The following THRB variants were observed in gnomAD, a reference collection of about 807,000 sequenced individuals.
THRB encodes thyroid hormone receptor beta, also known as nuclear receptor subfamily 1 group A member 2.
In THRB, 12 loss-of-function variants were observed where a neutral mutation model predicts 47.8. The observed-to-expected ratio is 0.25, with a 90% CI of 0.16 to 0.41. THRB has a LOEUF of 0.41. Ranked by LOEUF, THRB falls within the 10% of genes least tolerant of loss-of-function variation. The pLI is 1.00. For synonymous variants in THRB, 218 were observed against 212.2 expected, an observed-to-expected ratio of 1.03 and a Z score of -0.24; for missense variants, 348 against 589.2, an observed-to-expected ratio of 0.59 and a Z score of 4.24.
intron 1 of THRB, among the ~76,000 whole-genome samples, chr3:24,379,950 A>T (rs1438409433): frequency 6.6e-6 from 1 of 151,378 alleles, no homozygotes; most frequent in African/African-American, 2.4e-5. Flanking sequence ...CTCATGTAGT[A>T]ACTTTACACA....
At chr3:24,187,955 A>G (rs2042812959) in intron 5 of THRB, among the ~76,000 whole-genome samples, 1 of 152,156 alleles carries the variant, frequency 6.6e-6, no homozygotes, top group Non-Finnish European at 1.5e-5. Flanking sequence ...GTCAAGGTGG[A>G]CCCTGGTGGT....
intron 1 of THRB, among the ~76,000 whole-genome samples, chr3:24,490,762 C>T (rs562648138): frequency 1.3e-5 from 2 of 152,176 alleles, no homozygotes; most frequent in East Asian, 1.9e-4. Flanking sequence ...AATTAGCTTA[C>T]AGAGTGTGGT....
chr3:24,256,258 G>A (rs1288986035), intron 3 of THRB, among the ~76,000 whole-genome samples: 3 of 148,390 alleles, frequency 2.0e-5, no homozygotes, highest in Non-Finnish European at 4.5e-5. Flanking sequence ...AGGGTCATCA[G>A]AGGCCTTAAT....
At chr3:24,161,617 A>AACACACACACACACACACACACACACAC (rs58600238) in intron 5 of THRB, among the ~76,000 whole-genome samples, 2 of 141,100 alleles carry the variant, frequency 1.4e-5, no homozygotes, top group South Asian at 2.4e-4. Context: ...AGAGCTACAG[A>AACACACACACACACACACACACACACAC]ACACACACAC....
chr3:24,329,759 T>C (rs1255751597), intron 2 of THRB, among the ~76,000 whole-genome samples: 1 of 152,206 alleles, frequency 6.6e-6, no homozygotes, highest in Non-Finnish European at 1.5e-5. Context: ...AAGTGAGCAA[T>C]CAACAAAACT....
At chr3:24,237,785 G>A (rs1055668778) in intron 3 of THRB, among the ~76,000 whole-genome samples, 3 of 152,100 alleles carry the variant, frequency 2.0e-5, no homozygotes, top group African/African-American at 4.8e-5. Flanking sequence ...AGTAAAATCC[G>A]ATTCCTGTGT....
intron 4 of THRB, among the ~76,000 whole-genome samples, chr3:24,206,687 C>T (rs1204745380): frequency 3.9e-5 from 6 of 152,060 alleles, no homozygotes; most frequent in Non-Finnish European, 5.9e-5. Flanking sequence ...ATACAAAAAC[C>T]CTTCAAAAAA....
chr3:24,410,410 T>G (rs906758128), intron 1 of THRB, among the ~76,000 whole-genome samples: 2 of 151,838 alleles, frequency 1.3e-5, no homozygotes, highest in Admixed American at 1.3e-4. Flanking sequence ...GTACAATCTT[T>G]GGAATAAAAA....
intron 1 of THRB, among the ~76,000 whole-genome samples, chr3:24,471,231 G>A (rs2125764546): frequency 6.6e-6 from 1 of 152,288 alleles, no homozygotes; most frequent in South Asian, 2.1e-4. Context: ...GGGAAATTGT[G>A]TGACATGTAA....
chr3:24,421,002 G>A (rs950123804), intron 1 of THRB, among the ~76,000 whole-genome samples: 1 of 151,926 alleles, frequency 6.6e-6, no homozygotes, highest in African/African-American at 2.4e-5. Flanking sequence ...TATACACCAT[G>A]GAATACTATG....
intron 1 of THRB, among the ~76,000 whole-genome samples, chr3:24,364,173 T>A (rs1261411262): frequency 6.6e-6 from 1 of 152,144 alleles, no homozygotes; most frequent in African/African-American, 2.4e-5. Flanking sequence ...AAGCATATGG[T>A]GGTAAAAAAT....
chr3:24,267,996 G>A (rs574453066), intron 3 of THRB, among the ~76,000 whole-genome samples: 1 of 152,134 alleles, frequency 6.6e-6, no homozygotes, highest in Admixed American at 6.5e-5. Flanking sequence ...TAGTCAATTA[G>A]GCACACAAAG....
intron 10 of THRB, among the ~76,000 whole-genome samples, chr3:24,123,735 T>C (rs969866442): frequency 3.9e-5 from 6 of 152,124 alleles, no homozygotes; most frequent in Admixed American, 6.5e-5. Flanking sequence ...AGTCATGATT[T>C]TGGAATTGAA....
chr3:24,272,957 A>G (rs1055443664), intron 3 of THRB, among the ~76,000 whole-genome samples: 6 of 152,220 alleles, frequency 3.9e-5, no homozygotes, highest in Non-Finnish European at 8.8e-5. Context: ...ACAAATATCA[A>G]TACTAAGTAC....
intron 3 of THRB, among the ~76,000 whole-genome samples, chr3:24,274,883 GT>G (rs11292201): frequency 0.054 from 8,208 of 152,034 alleles, 702 homozygotes; most frequent in African/African-American, 0.18. Context: ...GAGAGAGACA[GT>G]TTTTTTTATG....
At chr3:24,332,741 TG>T (rs1223596534) in intron 2 of THRB, among the ~76,000 whole-genome samples, 1 of 152,114 alleles carries the variant, frequency 6.6e-6, no homozygotes, top group African/African-American at 2.4e-5. Context: ...GGGAAACATT[TG>T]GGGAAAGGAA....
chr3:24,130,496 G>A (rs2033684740), intron 9 of THRB, among the ~76,000 whole-genome samples: 1 of 152,126 alleles, frequency 6.6e-6, no homozygotes, highest in Admixed American at 6.5e-5. Context: ...ATGACTGGCA[G>A]GCTGGCTAGA....
At chr3:24,249,922 G>T (rs1215583390) in intron 3 of THRB, among the ~76,000 whole-genome samples, 1 of 152,204 alleles carries the variant, frequency 6.6e-6, no homozygotes, top group Non-Finnish European at 1.5e-5. Flanking sequence ...GCACCATGAA[G>T]AATTAAACTC....
chr3:24,220,735 C>G (rs2047068631), intron 4 of THRB, among the ~76,000 whole-genome samples: 1 of 150,004 alleles, frequency 6.7e-6, no homozygotes, highest in African/African-American at 2.5e-5. Context: ...AGAAAGAATG[C>G]TTAATACATC....
Sources: gnomAD v4.1 joint callset for allele counts (sites outside exome capture counted in the v4.1 genomes callset) on GRCh38, gnomAD v4.1.1 for gene constraint, MANE v1.5 for transcripts, NCBI Gene and HGNC (gene_info 2026-07-23, HGNC 2026-07-21) for gene names.